The following ST6GALNAC3 variants were observed in gnomAD, a reference collection of about 807,000 sequenced individuals.
The protein encoded by ST6GALNAC3 is ST6 N-acetylgalactosaminide alpha-2,6-sialyltransferase 3, also known as alpha-N-acetylgalactosaminide alpha-2,6-sialyltransferase 3.
Under a neutral mutation model 32.7 loss-of-function variants are expected in ST6GALNAC3, and 25 were observed. The ratio of observed to expected loss-of-function variants is 0.76; its 90% CI spans 0.56 to 1.07. The LOEUF (loss-of-function observed/expected upper bound fraction) is 1.07. ST6GALNAC3 is among the 50% of genes least tolerant of loss of function. The pLI is 0.00. For missense variants in ST6GALNAC3, 355 were observed against 382.4 expected, an observed-to-expected ratio of 0.93 and a Z score of 0.60; for synonymous variants, 129 against 133.1, an observed-to-expected ratio of 0.97 and a Z score of 0.21.
chr1:76,616,055 C>T (rs1648270101), intron 3 of ST6GALNAC3, among the ~76,000 whole-genome samples: 1 of 152,122 alleles, frequency 6.6e-6, no homozygotes, highest in Non-Finnish European at 1.5e-5. Flanking sequence ...TCTAGAGGTT[C>T]TGGTATGGGG....
At chr1:76,190,172 A>T (rs909421796) in intron 1 of ST6GALNAC3, among the ~76,000 whole-genome samples, 11 of 152,168 alleles carry the variant, frequency 7.2e-5, no homozygotes, top group African/African-American at 2.7e-4. Flanking sequence ...AATTTGTCCT[A>T]GAGTGTTCTA....
At position 76,494,468 on chromosome 1, in the gene ST6GALNAC3, T is replaced by TATATATATACACAC. The variant is rs1472545640; in HGVS notation, c.623+82052_623+82053insTATATATACACACA. Among the ~76,000 whole-genome samples the TATATATATACACAC allele has an allele frequency of 3.5e-4, 21 of 59,534 alleles. 3 individuals are homozygous for TATATATATACACAC. The highest frequency in any genetic ancestry group is 7.2e-4 in the South Asian group (1 of 1,394). The allele number at this position is 59,534 out of a possible 152,430, so 39.1% of individuals were successfully genotyped here. A position where few individuals can be genotyped will look rare whatever the true frequency, so the allele number is the denominator to read the frequency against. Reference sequence around the variant, plus strand: ...ATATATATATATATATATATATATATACACACACACACACACACTTTCCCT... The same window carrying TATATATATACACAC: ...ATATATATATATATATATATATATATATATATATACACACACACACACACACACACACTTTCCCT... On this transcript the variant is annotated intron_variant, in intron 3 of 4. Transcript: ENST00000328299.
chr1:76,389,475 G>T (rs1442762497), intron 2 of ST6GALNAC3, among the ~76,000 whole-genome samples: 1 of 152,158 alleles, frequency 6.6e-6, no homozygotes, highest in East Asian at 1.9e-4. Context: ...TTCTACCAAG[G>T]AATGCCAGAG....
chr1:76,083,505 A>G (rs952505691), intron 1 of ST6GALNAC3, among the ~76,000 whole-genome samples: 1 of 152,276 alleles, frequency 6.6e-6, no homozygotes, highest in African/African-American at 2.4e-5. Context: ...CAGAGGTCAG[A>G]GCTAGACCGA....
intron 3 of ST6GALNAC3, among the ~76,000 whole-genome samples, chr1:76,447,847 T>C (rs1433542744): frequency 6.6e-6 from 1 of 152,166 alleles, no homozygotes; most frequent in Non-Finnish European, 1.5e-5. Context: ...AACACCTGGA[T>C]GCCCAGGCAA....
At chr1:76,425,477 C>T (rs1655314794) in intron 3 of ST6GALNAC3, among the ~76,000 whole-genome samples, 1 of 151,906 alleles carries the variant, frequency 6.6e-6, no homozygotes, top group African/African-American at 2.4e-5. Flanking sequence ...CTTTTACAAA[C>T]ATTCCTTGAG....
chr1:76,414,077 A>G (rs769140994), intron 3 of ST6GALNAC3, among the ~76,000 whole-genome samples: 6 of 152,064 alleles, frequency 3.9e-5, no homozygotes, highest in Non-Finnish European at 7.4e-5. Flanking sequence ...GCTTTGAGGG[A>G]GACAACACCA....
At chr1:76,292,033 G>C (rs1176231646) in intron 1 of ST6GALNAC3, among the ~76,000 whole-genome samples, 1 of 152,208 alleles carries the variant, frequency 6.6e-6, no homozygotes, top group Non-Finnish European at 1.5e-5. Context: ...ATGGCCAAAA[G>C]ACTTAGCAGC....
intron 1 of ST6GALNAC3, among the ~76,000 whole-genome samples, chr1:76,153,341 C>G (rs1299422645): frequency 6.6e-6 from 1 of 152,096 alleles, no homozygotes; most frequent in Non-Finnish European, 1.5e-5. Flanking sequence ...CCAGAATAAC[C>G]TAATCTAAAC....
intron 3 of ST6GALNAC3, among the ~76,000 whole-genome samples, chr1:76,491,020 G>T (rs1310283973): frequency 6.6e-6 from 1 of 151,704 alleles, no homozygotes; most frequent in Non-Finnish European, 1.5e-5. Context: ...CACCACGCCC[G>T]GCTAATTTTT....
At chr1:76,342,217 A>G (rs1173521866) in intron 2 of ST6GALNAC3, among the ~76,000 whole-genome samples, 1 of 152,178 alleles carries the variant, frequency 6.6e-6, no homozygotes, top group Non-Finnish European at 1.5e-5. Context: ...TCCTTTGGTA[A>G]TATAACCAGT....
intron 2 of ST6GALNAC3, among the ~76,000 whole-genome samples, chr1:76,383,773 T>C (rs1403094489): frequency 1.3e-5 from 2 of 152,182 alleles, no homozygotes; most frequent in African/African-American, 4.8e-5. Context: ...AGGAGCAGGG[T>C]AAACTATTAA....
chr1:76,459,256 T>C (rs1254689774), intron 3 of ST6GALNAC3, among the ~76,000 whole-genome samples: 2 of 152,160 alleles, frequency 1.3e-5, no homozygotes, highest in African/African-American at 2.4e-5. Context: ...CATGGCCCAG[T>C]ATACAGAGAA....
chr1:76,577,728 T>C (rs1464747231), intron 3 of ST6GALNAC3, among the ~76,000 whole-genome samples: 2 of 152,160 alleles, frequency 1.3e-5, no homozygotes, highest in Non-Finnish European at 2.9e-5. Context: ...CACCTCTGTG[T>C]AATCAGAGAT....
At chr1:76,610,176 A>T (rs1409409503) in intron 3 of ST6GALNAC3, among the ~76,000 whole-genome samples, 1 of 152,170 alleles carries the variant, frequency 6.6e-6, no homozygotes, top group Non-Finnish European at 1.5e-5. Flanking sequence ...TTAATTTGAA[A>T]TATTTTCTAC....
intron 3 of ST6GALNAC3, among the ~76,000 whole-genome samples, chr1:76,604,479 C>T (rs1647395152): frequency 6.6e-6 from 1 of 152,202 alleles, no homozygotes; most frequent in Admixed American, 6.5e-5. Context: ...CAAATGACAT[C>T]TCTGACAATG....
In ST6GALNAC3 at chr1:76,541,541, T is replaced by C. The variant is rs147682671; in HGVS notation, c.624-85911T>C. ...TTTTAATTTGAGATATAAATATTAG[T>C]CATGCAGCTAACTGCACCCACCTTT... On this transcript the variant is annotated intron_variant, in intron 3 of 4. Transcript: ENST00000328299. Among the ~76,000 whole-genome samples the C allele has an allele frequency of 1.9e-3, 282 of 152,338 alleles. 1 individual carries two copies. The highest frequency in any genetic ancestry group is 6.5e-3 in the African/African-American group (271 of 41,582).
rs1210128356 is a variant in ST6GALNAC3, at chr1:76,270,004, A to G, written c.19-43801A>G. On this transcript the variant is annotated intron_variant, in intron 1 of 4. Coordinates refer to ENST00000328299, the MANE Select transcript of ST6GALNAC3 (RefSeq NM_152996.4). ...TGTGCTCCCTAATAGAGCCTCATGC[A>G]GAGCTGTTATCATTCTGGATAAGGG... Among the ~76,000 whole-genome samples, 4 of 152,208 alleles carry G rather than the reference A, an allele frequency of 2.6e-5. No homozygotes were observed. The East Asian group carries it at 7.7e-4, about 29-fold the overall frequency.
chr1:76,294,983 A>G (rs182825806), intron 1 of ST6GALNAC3, among the ~76,000 whole-genome samples: 5 of 152,194 alleles, frequency 3.3e-5, no homozygotes, highest in Non-Finnish European at 1.5e-5. Context: ...GCACTGTAAT[A>G]CTTCCCTGAC....
Sources: gnomAD v4.1 joint callset for allele counts (sites outside exome capture counted in the v4.1 genomes callset) on GRCh38, gnomAD v4.1.1 for gene constraint, MANE v1.5 for transcripts, NCBI Gene and HGNC (gene_info 2026-07-23, HGNC 2026-07-21) for gene names.